KIF26B: variants seen among roughly 807,000 people sequenced by gnomAD.
KIF26B encodes the protein kinesin family member 26B.
A neutral mutation model predicts 151.2 loss-of-function variants in KIF26B; 63 were observed. The observed-to-expected ratio is 0.42, with a 90% CI of 0.34 to 0.51. KIF26B has a LOEUF of 0.51. KIF26B is among the 20% of genes least tolerant of loss of function. The pLI, the probability that KIF26B is intolerant of heterozygous loss-of-function variation, is 0.07. For missense variants in KIF26B, 2,813 were observed against 2,913.6 expected, an observed-to-expected ratio of 0.97 and a Z score of 0.79; for synonymous variants, 1,357 against 1,262.1, an observed-to-expected ratio of 1.08 and a Z score of -1.59.
intron 3 of KIF26B, among the ~76,000 whole-genome samples, chr1:245,398,309 C>A (rs1673907772): frequency 6.6e-6 from 1 of 152,130 alleles, no homozygotes. Context: ...TCCCTTGACC[C>A]CCGATAAAGT....
At chr1:245,175,124 T>A (rs1167094366) in intron 2 of KIF26B, among the ~76,000 whole-genome samples, 1 of 152,140 alleles carries the variant, frequency 6.6e-6, no homozygotes, top group Non-Finnish European at 1.5e-5. Context: ...GAACAGTGGC[T>A]TTTGTCTTTA....
chr1:245,650,164 CA>C (rs2043999714), intron 10 of KIF26B, among the ~76,000 whole-genome samples: 1 of 152,220 alleles, frequency 6.6e-6, no homozygotes, highest in Non-Finnish European at 1.5e-5. Flanking sequence ...ACAGGCTGCA[CA>C]AATTACTCTC....
intron 4 of KIF26B, among the ~76,000 whole-genome samples, chr1:245,501,325 C>A (rs550929556): frequency 1.3e-5 from 2 of 152,214 alleles, no homozygotes; most frequent in South Asian, 2.1e-4. Context: ...GTCACAGAGT[C>A]GTAATGAGGG....
chr1:245,439,964 G>A (rs1659029144), intron 4 of KIF26B, among the ~76,000 whole-genome samples: 1 of 152,236 alleles, frequency 6.6e-6, no homozygotes. Context: ...GCTCACGCCT[G>A]TAATCCCAGC....
intron 2 of KIF26B, among the ~76,000 whole-genome samples, chr1:245,280,403 C>T (rs1430411407): frequency 6.1e-5 from 9 of 147,314 alleles, no homozygotes; most frequent in African/African-American, 9.9e-5. Context: ...TAGTGGCGGG[C>T]GCCTATACTC....
At chr1:245,665,512 A>C (rs935120235) in intron 10 of KIF26B, among the ~76,000 whole-genome samples, 1 of 152,134 alleles carries the variant, frequency 6.6e-6, no homozygotes, top group South Asian at 2.1e-4. Context: ...TTTTTAATCC[A>C]ATTTAAACTT....
chr1:245,697,120 G>A (rs1054199838), intron 12 of KIF26B, among the ~76,000 whole-genome samples: 1 of 152,022 alleles, frequency 6.6e-6, no homozygotes, highest in East Asian at 1.9e-4. Context: ...CAAAAACAGT[G>A]AGGTTTAATA....
chr1:245,357,189 G>C (rs1387492525), intron 2 of KIF26B, among the ~76,000 whole-genome samples: 1 of 152,196 alleles, frequency 6.6e-6, no homozygotes, highest in African/African-American at 2.4e-5. Flanking sequence ...CGGGGGCCAG[G>C]GGAGGATTTT....
intron 4 of KIF26B, among the ~76,000 whole-genome samples, chr1:245,429,260 G>A (rs1038299587): frequency 2.6e-5 from 4 of 152,192 alleles, no homozygotes; most frequent in Admixed American, 6.5e-5. Flanking sequence ...AAAGGATGGA[G>A]TTCTGTCCTC....
intron 6 of KIF26B, among the ~76,000 whole-genome samples, chr1:245,603,641 G>A (rs549379630): frequency 2.6e-4 from 40 of 152,188 alleles, no homozygotes; most frequent in Non-Finnish European, 4.3e-4. Context: ...CCACATTGTC[G>A]GTCGTCATCC....
chr1:245,410,815 G>A (rs952227378), intron 3 of KIF26B, among the ~76,000 whole-genome samples: 1 of 152,018 alleles, frequency 6.6e-6, no homozygotes, highest in African/African-American at 2.4e-5. Context: ...GCAGTTCTGT[G>A]ACATTAAGTA....
At chr1:245,350,312 G>A (rs1163260228) in intron 2 of KIF26B, among the ~76,000 whole-genome samples, 1 of 152,134 alleles carries the variant, frequency 6.6e-6, no homozygotes, top group Non-Finnish European at 1.5e-5. Context: ...GACTTTACCT[G>A]TGTTAGTTCA....
At chr1:245,268,003 C>T (rs147943914) in intron 2 of KIF26B, among the ~76,000 whole-genome samples, 1 of 152,150 alleles carries the variant, frequency 6.6e-6, no homozygotes, top group Non-Finnish European at 1.5e-5. Context: ...TAAAGACTGG[C>T]AATAAAGACA....
chr1:245,383,404 CCA>C (rs1409390095), intron 3 of KIF26B, among the ~76,000 whole-genome samples: 1 of 152,164 alleles, frequency 6.6e-6, no homozygotes, highest in African/African-American at 2.4e-5. Context: ...CGTGCAGGGT[CCA>C]CTCTCCAGCT....
At chr1:245,539,895 T>C (rs1304156023) in intron 4 of KIF26B, among the ~76,000 whole-genome samples, 6 of 152,134 alleles carry the variant, frequency 3.9e-5, no homozygotes, top group African/African-American at 9.7e-5. Flanking sequence ...TCAGGTGAGC[T>C]GCCTGCCTCG....
intron 2 of KIF26B, among the ~76,000 whole-genome samples, chr1:245,165,092 T>C (rs1166404361): frequency 2.0e-5 from 3 of 150,644 alleles, no homozygotes; most frequent in Non-Finnish European, 4.4e-5. Flanking sequence ...TAAAGATTGC[T>C]GTGAGAATGA....
intron 2 of KIF26B, among the ~76,000 whole-genome samples, chr1:245,209,276 C>T (rs1558345884): frequency 1.3e-5 from 2 of 152,130 alleles, no homozygotes; most frequent in East Asian, 1.9e-4. Flanking sequence ...TGGTGTACAC[C>T]TATAATCCCA....
chr1:245,521,303 CTCCA>C (rs1170787328), intron 4 of KIF26B, among the ~76,000 whole-genome samples: 57 of 150,998 alleles, frequency 3.8e-4, no homozygotes, highest in South Asian at 6.3e-4. Flanking sequence ...CACCACTGCA[CTCCA>C]TCCAGCCTGA....
intron 9 of KIF26B, among the ~76,000 whole-genome samples, chr1:245,617,132 G>A (rs1253501812): frequency 6.6e-6 from 1 of 152,172 alleles, no homozygotes; most frequent in Non-Finnish European, 1.5e-5. Context: ...GTCTCGCACT[G>A]TCACCCAGGC....
Sources: allele counts gnomAD v4.1 joint callset (sites outside exome capture counted in the v4.1 genomes callset), GRCh38; gene constraint gnomAD v4.1.1; transcripts MANE v1.5; gene names NCBI Gene and HGNC (gene_info 2026-07-23, HGNC 2026-07-21).